HCN1: variants seen among roughly 807,000 people sequenced by gnomAD.
HCN1 encodes potassium/sodium hyperpolarization-activated cyclic nucleotide-gated channel 1.
In HCN1, 13 loss-of-function variants were observed where a neutral mutation model predicts 78.9. The observed-to-expected ratio is 0.16, with a 90% confidence interval of 0.11 to 0.26. HCN1 has a LOEUF of 0.26. Ranked by LOEUF, HCN1 falls within the 10% of genes least tolerant of loss-of-function variation. The pLI, the probability that HCN1 is intolerant of heterozygous loss-of-function variation, is 1.00. For missense variants in HCN1, 810 were observed against 1,154.3 expected (o/e 0.70, Z 4.32); for synonymous variants, 552 against 455.5 (o/e 1.21, Z -2.70).
At chr5:45,396,334 A>G (rs981024751) in intron 4 of HCN1, among the ~76,000 whole-genome samples, 158 bp downstream of exon 4, 2 of 152,170 alleles carry the variant, frequency 1.3e-5, no homozygotes, top group Non-Finnish European at 2.9e-5. Flanking sequence ...ATCTTGAAGA[A>G]ACCTCAAAAT....
chr5:45,353,744 T>C (rs1237465727), intron 4 of HCN1, among the ~76,000 whole-genome samples: 2 of 151,968 alleles, frequency 1.3e-5, no homozygotes, highest in African/African-American at 4.8e-5. Context: ...TTGCAGATCA[T>C]TCATACTTCA....
intron 3 of HCN1, among the ~76,000 whole-genome samples, chr5:45,450,657 G>A (rs1407574799): frequency 6.6e-6 from 1 of 152,186 alleles, no homozygotes; most frequent in Non-Finnish European, 1.5e-5. Context: ...TATTAGATAT[G>A]TGGGAGCAGT....
At chr5:45,376,650 T>A (rs1213190796) in intron 4 of HCN1, among the ~76,000 whole-genome samples, 2 of 151,722 alleles carry the variant, frequency 1.3e-5, no homozygotes, top group African/African-American at 4.8e-5. Context: ...ATTCCATGAG[T>A]CATGCAGGGC....
intron 5 of HCN1, among the ~76,000 whole-genome samples, chr5:45,344,009 G>A (rs992633037): frequency 3.3e-5 from 5 of 152,036 alleles, no homozygotes; most frequent in South Asian, 4.1e-4. Context: ...AACTGAGACC[G>A]AGTAATTTAT....
At chr5:45,445,778 G>A (rs181422497) in intron 3 of HCN1, among the ~76,000 whole-genome samples, 1 of 152,094 alleles carries the variant, frequency 6.6e-6, no homozygotes, top group Non-Finnish European at 1.5e-5. Context: ...AGGCAAACAG[G>A]GTCTGGAGTG....
In HCN1 at chr5:45,372,183, A is replaced by ATAATACAAT. The variant is rs1354720323; in HGVS notation, c.1231-18946_1231-18938dup. Among the ~76,000 whole-genome samples, 3 of 62,756 alleles carry ATAATACAAT rather than the reference A, an allele frequency of 4.8e-5. 1 individual carries two copies. The East Asian group carries it at 1.9e-3, about 40-fold the overall frequency. 41.2% of individuals were successfully genotyped at this position (62,756 alleles called of 152,430 possible). ...TTATTATATATAATTATATTATAAT[A>ATAATACAAT]TAATACAATTAATATAATACATATT... On this transcript the variant is annotated intron_variant, in intron 4 of 7. Coordinates refer to ENST00000303230, the MANE Select transcript of HCN1 (RefSeq NM_021072.4).
At chr5:45,523,349 T>C (rs1742655542) in intron 2 of HCN1, among the ~76,000 whole-genome samples, 1 of 152,126 alleles carries the variant, frequency 6.6e-6, no homozygotes, top group African/African-American at 2.4e-5. Flanking sequence ...AGCAGCATGA[T>C]TTATAGTCCT....
At chr5:45,335,481 G>A (rs1483844983) in intron 5 of HCN1, among the ~76,000 whole-genome samples, 2 of 152,084 alleles carry the variant, frequency 1.3e-5, no homozygotes, top group Non-Finnish European at 2.9e-5. Flanking sequence ...TGAAGGGAAA[G>A]CTTACTAGCA....
At chr5:45,693,614 G>C (rs1227944092) in intron 1 of HCN1, among the ~76,000 whole-genome samples, 2 of 152,028 alleles carry the variant, frequency 1.3e-5, no homozygotes, top group Admixed American at 1.3e-4. Flanking sequence ...TTATTAAAGA[G>C]ATATTTTGTC....
chr5:45,521,497 C>T (rs1164283998), intron 2 of HCN1, among the ~76,000 whole-genome samples: 1 of 151,956 alleles, frequency 6.6e-6, no homozygotes, highest in African/African-American at 2.4e-5. Flanking sequence ...TCAGAAATTG[C>T]TTGGCTTGTA....
At chr5:45,503,429 A>T (rs1434370089) in intron 2 of HCN1, among the ~76,000 whole-genome samples, 1 of 152,204 alleles carries the variant, frequency 6.6e-6, no homozygotes, top group Admixed American at 6.5e-5. Context: ...AGAGACAGAG[A>T]TTGCTTTTAG....
At chr5:45,352,708 T>C (rs1746934633) in intron 5 of HCN1, among the ~76,000 whole-genome samples, 1 of 151,894 alleles carries the variant, frequency 6.6e-6, no homozygotes, top group Non-Finnish European at 1.5e-5. Flanking sequence ...AATGAACTGC[T>C]CACAGCAAGT....
chr5:45,436,403 C>T (rs1451330329), intron 3 of HCN1, among the ~76,000 whole-genome samples: 1 of 152,168 alleles, frequency 6.6e-6, no homozygotes, highest in Non-Finnish European at 1.5e-5. Context: ...ACCTGAGTTA[C>T]TTGCTACATT....
chr5:45,665,731 T>C (rs908370407), intron 1 of HCN1, among the ~76,000 whole-genome samples: 8 of 152,236 alleles, frequency 5.3e-5, no homozygotes, highest in African/African-American at 1.7e-4. Flanking sequence ...AAAACCCATA[T>C]GGTGTCACAT....
intron 2 of HCN1, among the ~76,000 whole-genome samples, chr5:45,593,334 T>TCA (rs1240973872): frequency 1.1e-4 from 14 of 125,728 alleles, no homozygotes; most frequent in African/African-American, 3.1e-4. Flanking sequence ...TCTCTCTCTC[T>TCA]CTCTCTCACA....
At chr5:45,369,969 C>G (rs1435737076) in intron 4 of HCN1, among the ~76,000 whole-genome samples, 1 of 151,816 alleles carries the variant, frequency 6.6e-6, no homozygotes, top group Non-Finnish European at 1.5e-5. Flanking sequence ...ACAAAATATA[C>G]TGTGCTATAA....
intron 3 of HCN1, among the ~76,000 whole-genome samples, chr5:45,460,701 CAAAA>C (rs1012105318): frequency 3.6e-5 from 5 of 140,470 alleles, no homozygotes; most frequent in African/African-American, 1.3e-4. Flanking sequence ...ATAGAAAAGA[CAAAA>C]AGAAAAAGGA....
chr5:45,336,723 G>T (rs1447199320), intron 5 of HCN1, among the ~76,000 whole-genome samples: 2 of 152,034 alleles, frequency 1.3e-5, no homozygotes, highest in African/African-American at 4.8e-5. Flanking sequence ...GTTCTGGTTT[G>T]GAGGTTGGGA....
intron 2 of HCN1, among the ~76,000 whole-genome samples, chr5:45,531,803 G>A (rs1317571752): frequency 6.6e-6 from 1 of 152,108 alleles, no homozygotes; most frequent in Non-Finnish European, 1.5e-5. Context: ...ACTTTGGGAG[G>A]CCAAGGTGGG....
Sources: gnomAD v4.1 joint callset for allele counts (sites outside exome capture counted in the v4.1 genomes callset) on GRCh38, gnomAD v4.1.1 for gene constraint, MANE v1.5 for transcripts, NCBI Gene and HGNC (gene_info 2026-07-23, HGNC 2026-07-21) for gene names.